Variants in GARIN1A observed in about 807,000 individuals in gnomAD.
GARIN1A encodes Golgi-associated RAB2 interactor protein 1A.
the GARIN1A span, chr7:128,685,623 C>T: frequency 6.6e-6 from 1 of 152,200 alleles, no homozygotes; most frequent in Non-Finnish European, 1.5e-5. Flanking sequence ...AACAAGTTTC[C>T]TTTCAGTATG....
At chr7:128,688,129 A>C in the GARIN1A span, among the ~76,000 whole-genome samples, 1 of 151,712 alleles carries the variant, frequency 6.6e-6, no homozygotes, top group Non-Finnish European at 1.5e-5. Flanking sequence ...CTCCTGCCTT[A>C]GCCTCCCGAG....
At chr7:128,677,491 C>G in the GARIN1A span, 2 of 1,359,856 alleles carry the variant, frequency 1.5e-6, no homozygotes, top group African/African-American at 1.7e-5. Context: ...TCGGCGGCAG[C>G]GAGACTCCGT....
At chr7:128,677,363 C>T in the GARIN1A span, among the ~76,000 whole-genome samples, 10 of 151,772 alleles carry the variant, frequency 6.6e-5, no homozygotes, top group Admixed American at 6.6e-5. Flanking sequence ...AAAAATTAGC[C>T]GGGCGTGGTG....
At chr7:128,677,504 CAAAAAAAAAA>C in the GARIN1A span, 1 of 1,271,456 alleles carries the variant, frequency 7.9e-7, no homozygotes, top group Admixed American at 4.0e-5. Flanking sequence ...GACTCCGTCT[CAAAAAAAAAA>C]AAAAAAGAAA....
chr7:128,696,320 C>T, the GARIN1A span, among the ~76,000 whole-genome samples: 528 of 152,198 alleles, frequency 3.5e-3, 2 homozygotes, highest in Non-Finnish European at 5.8e-3. Context: ...TGCCTGGCTG[C>T]TTCTGTGGAA....
the GARIN1A span, chr7:128,682,991 CA>C: frequency 6.2e-7 from 1 of 1,607,664 alleles, no homozygotes. Flanking sequence ...TTGAAATAGA[CA>C]ACTGCAGCAG....
the GARIN1A span, among the ~76,000 whole-genome samples, chr7:128,689,706 TC>T: frequency 7.4e-6 from 1 of 135,304 alleles, no homozygotes; most frequent in Non-Finnish European, 1.6e-5. Context: ...GTGAGGAGCG[TC>T]CCCGCCCGGC....
At chr7:128,686,887 AAAT>A in the GARIN1A span, 28 of 139,766 alleles carry the variant, frequency 2.0e-4, no homozygotes, top group Non-Finnish European at 3.0e-4. Flanking sequence ...AAAAAAAAAA[AAAT>A]ATATCTGACT....
At chr7:128,680,977 A>G in the GARIN1A span, among the ~76,000 whole-genome samples, 1 of 152,258 alleles carries the variant, frequency 6.6e-6, no homozygotes, top group Non-Finnish European at 1.5e-5. Flanking sequence ...CAAGTAATAG[A>G]AACTCAAAGC....
At chr7:128,683,813 G>T in the GARIN1A span, 1 of 153,678 alleles carries the variant, frequency 6.5e-6, no homozygotes, top group South Asian at 1.9e-4. Flanking sequence ...ATTGGCTCAT[G>T]GTTCCCCAGG....
At chr7:128,706,258 C>T in the GARIN1A span, among the ~76,000 whole-genome samples, 1 of 152,106 alleles carries the variant, frequency 6.6e-6, no homozygotes, top group African/African-American at 2.4e-5. Context: ...TTGTACTTTT[C>T]CTGCCCCAAT....
the GARIN1A span, chr7:128,690,821 C>G: frequency 6.6e-6 from 1 of 152,096 alleles, no homozygotes; most frequent in East Asian, 1.9e-4. Context: ...AAGAGAGAGT[C>G]CAGAATGACA....
At chr7:128,675,559 G>A in the GARIN1A span, 191 of 1,043,146 alleles carry the variant, frequency 1.8e-4, 1 homozygote, top group East Asian at 3.3e-3. Flanking sequence ...GCAGGTCAGG[G>A]CCCAGCCCAG....
At chr7:128,673,441 A>G in the GARIN1A span, among the ~76,000 whole-genome samples, 16 of 152,300 alleles carry the variant, frequency 1.1e-4, no homozygotes, top group Admixed American at 9.8e-4. Context: ...ATTCTTTGAG[A>G]GACTGCTGAG....
At chr7:128,677,224 T>C in the GARIN1A span, among the ~76,000 whole-genome samples, 1 of 151,994 alleles carries the variant, frequency 6.6e-6, no homozygotes, top group South Asian at 2.1e-4. Context: ...AACCACGGGC[T>C]CAGCCGGGCG....
chr7:128,681,708 G>T, the GARIN1A span, among the ~76,000 whole-genome samples: 2 of 151,776 alleles, frequency 1.3e-5, no homozygotes, highest in African/African-American at 4.8e-5. Flanking sequence ...TTGCTATGTT[G>T]CCCAGGCTGG....
chr7:128,689,775 C>T, the GARIN1A span, among the ~76,000 whole-genome samples: 6 of 114,286 alleles, frequency 5.2e-5, no homozygotes, highest in East Asian at 1.6e-3. Context: ...CCACCCCGTC[C>T]GGGAGGGAGG....
the GARIN1A span, among the ~76,000 whole-genome samples, chr7:128,676,788 A>C: frequency 6.6e-6 from 1 of 152,046 alleles, no homozygotes; most frequent in African/African-American, 2.4e-5. Context: ...AGGAAACCTT[A>C]GTTCCAGGTC....
chr7:128,702,716 G>A, the GARIN1A span, among the ~76,000 whole-genome samples: 2 of 152,188 alleles, frequency 1.3e-5, no homozygotes, highest in South Asian at 4.1e-4. Flanking sequence ...CACAGTAAAT[G>A]TGGACAGTCA....
Sources: gnomAD v4.1 joint callset for allele counts (sites outside exome capture counted in the v4.1 genomes callset) on GRCh38, gnomAD v4.1.1 for gene constraint, MANE v1.5 for transcripts, NCBI Gene and HGNC (gene_info 2026-07-23, HGNC 2026-07-21) for gene names.